SIMC1: variants seen among roughly 807,000 people sequenced by gnomAD.
SIMC1 encodes SUMO interacting motifs containing 1.
Under a neutral mutation model 82.3 loss-of-function variants are expected in SIMC1, and 55 were observed. That is an observed-to-expected ratio of 0.67 (90% CI 0.54 to 0.84). The LOEUF is 0.84. Among genes scored for constraint, SIMC1 ranks in the 40% least tolerant of loss-of-function variants. The probability of loss-of-function intolerance (pLI) is 0.00; values close to 1 mark genes in which losing one functional copy is unlikely to be tolerated. For synonymous variants in SIMC1, 353 were observed against 426.3 expected (o/e 0.83, Z 2.12); for missense variants, 915 against 1,107.2 (o/e 0.83, Z 2.46).
intron 1 of SIMC1, among the ~76,000 whole-genome samples, chr5:176,251,460 A>C (rs996421532): frequency 1.1e-4 from 17 of 152,290 alleles, no homozygotes; most frequent in Admixed American, 1.1e-3. Flanking sequence ...GAGCTCTTGT[A>C]AGGCAGGCCT....
intron 1 of SIMC1, among the ~76,000 whole-genome samples, chr5:176,272,845 G>A (rs1454538423): frequency 6.6e-6 from 1 of 152,214 alleles, no homozygotes; most frequent in African/African-American, 2.4e-5. Flanking sequence ...TGCTAGCACA[G>A]CAGTCTGAGA....
intron 4 of SIMC1, among the ~76,000 whole-genome samples, chr5:176,306,045 C>T (rs1264132032): frequency 1.3e-5 from 1 of 75,452 alleles, no homozygotes; most frequent in Non-Finnish European, 2.9e-5. Flanking sequence ...GGGGGGTCAG[C>T]CCCCCCGCCC....
At chr5:176,309,022 A>G (rs1764545768) in intron 4 of SIMC1, 5 of 784,184 alleles carry the variant, frequency 6.4e-6, no homozygotes, top group Non-Finnish European at 1.2e-5. Flanking sequence ...AAAGCAGGAG[A>G]CAAAATGGAG....
chr5:176,330,479 G>A (rs957044596), intron 7 of SIMC1, among the ~76,000 whole-genome samples: 2 of 151,558 alleles, frequency 1.3e-5, no homozygotes, highest in East Asian at 1.9e-4. Context: ...AGTACAAGAT[G>A]AGCCTGGAAC....
chr5:176,328,651 A>G (rs1015969380), intron 7 of SIMC1, among the ~76,000 whole-genome samples: 6 of 152,192 alleles, frequency 3.9e-5, no homozygotes, highest in Non-Finnish European at 8.8e-5. Context: ...AATGTTTTAC[A>G]TACTCAAAAA....
In SIMC1 at chr5:176,290,098, A is replaced by G; in HGVS notation, c.574A>G (p.Ser192Gly). 3.1e-6 allele frequency: 5 copies of G among 1,606,708 alleles called. No homozygotes were observed. Among genetic ancestry groups the G allele is most frequent in the Non-Finnish European group, 4.3e-6 (5 of 1,176,428 alleles). ...VSSLSPTSNN[S>G]RSSSSSSNQK... ...CTCCCTCTCCCCAACAAGCAATAAT[A>G]GTAGGAGCAGCAGCAGCAGCAGCAA... is the stretch of plus-strand genomic sequence containing the variant. Residue 192 changes from serine to glycine, a missense_variant, in exon 2 of 10, where the codon AGT becomes GGT. Ser to Gly is a moderately conservative substitution (Grantham distance 56). This residue lies in a region of SIMC1 where 902 missense variants were observed against 1,040.3 expected (regional missense o/e 0.87). Coordinates refer to ENST00000429602, the MANE Select transcript of SIMC1 (RefSeq NM_001308195.2).
intron 9 of SIMC1, 68 bp downstream of exon 9, chr5:176,337,214 A>G (rs139464438): frequency 4.0e-6 from 5 of 1,257,504 alleles, no homozygotes; most frequent in South Asian, 2.5e-5. Context: ...AGTCATAACT[A>G]CACAGGATAT....
intron 2 of SIMC1, among the ~76,000 whole-genome samples, chr5:176,293,258 T>A (rs578103810): frequency 1.7e-4 from 26 of 151,890 alleles, no homozygotes; most frequent in African/African-American, 6.0e-4. Flanking sequence ...GGCAACATAG[T>A]GAAACCCCCT....
chr5:176,290,862 C>T lies in SIMC1; in HGVS notation c.1338C>T (p.Asn446=), dbSNP rs1177432441. 3.1e-6 allele frequency: 5 copies of T among 1,613,484 alleles called. No homozygotes were observed. The highest frequency in any genetic ancestry group is 2.2e-5 in the East Asian group (1 of 44,876). The part of the protein sequence containing the change: ...QSRTPQGGLY[N]RPCLHRLKYF... ...GAACACCACAAGGTGGGTTGTACAA[C>T]AGACCATGCCTGCATAGACTGAAGT... Residue 446 remains asparagine, a synonymous_variant, in exon 2 of 10, where the codon AAC becomes AAT. Transcript: ENST00000429602.
At chr5:176,274,611 T>C (rs1363574657) in intron 1 of SIMC1, among the ~76,000 whole-genome samples, 1 of 151,838 alleles carries the variant, frequency 6.6e-6, no homozygotes, top group Non-Finnish European at 1.5e-5. Context: ...AATGCCTAGG[T>C]TTTCTTCTAG....
chr5:176,248,515 G>A (rs1173351888), intron 1 of SIMC1, among the ~76,000 whole-genome samples: 1 of 152,030 alleles, frequency 6.6e-6, no homozygotes, highest in South Asian at 2.1e-4. Flanking sequence ...AGGCTGAGAC[G>A]ATAGTGTTTC....
intron 9 of SIMC1, among the ~76,000 whole-genome samples, chr5:176,343,978 G>T (rs980620616): frequency 6.6e-6 from 1 of 151,856 alleles, no homozygotes; most frequent in Non-Finnish European, 1.5e-5. Context: ...TGTATTTTTA[G>T]TAGAGACAGG....
chr5:176,330,129 G>C (rs2113390194), intron 7 of SIMC1, among the ~76,000 whole-genome samples: 2 of 152,190 alleles, frequency 1.3e-5, no homozygotes, highest in South Asian at 4.2e-4. Context: ...GGCCAGGTGT[G>C]GTGGCTCACG....
chr5:176,246,201 G>A (rs1258817801), intron 1 of SIMC1, among the ~76,000 whole-genome samples: 3 of 150,990 alleles, frequency 2.0e-5, no homozygotes, highest in South Asian at 2.1e-4. Flanking sequence ...TCGTAGAGAC[G>A]GGGTTTCACC....
intron 1 of SIMC1, among the ~76,000 whole-genome samples, chr5:176,256,670 A>C (rs538875272): frequency 6.6e-6 from 1 of 152,258 alleles, no homozygotes; most frequent in South Asian, 2.1e-4. Context: ...TTATGGAAAC[A>C]TTCCACATAT....
At chr5:176,262,358 A>T (rs932773612) in intron 1 of SIMC1, among the ~76,000 whole-genome samples, 1 of 152,116 alleles carries the variant, frequency 6.6e-6, no homozygotes, top group Non-Finnish European at 1.5e-5. Context: ...GAACATCTAC[A>T]AAAAACCTGC....
At position 176,339,694 on chromosome 5, in the gene SIMC1, TAA is replaced by T. The variant is rs1159084246; in HGVS notation, c.2413+2549_2413+2550del. Among the ~76,000 whole-genome samples the T allele has an allele frequency of 2.0e-5, 3 of 152,348 alleles. No individual in the cohort carries two copies. In the East Asian group the frequency reaches 5.8e-4, roughly 29 times the overall value. ...TTACAGAATATTTTTTATGTTTTGA[TAA>T]GAGAGAGAAAGGCCTCAAACCAGTA... is the stretch of plus-strand genomic sequence containing the variant. On this transcript the variant is annotated intron_variant, in intron 9 of 9. Coordinates refer to ENST00000429602, the MANE Select transcript of SIMC1 (RefSeq NM_001308195.2).
chr5:176,328,536 A>T (rs1440492759), intron 7 of SIMC1, among the ~76,000 whole-genome samples: 1 of 152,124 alleles, frequency 6.6e-6, no homozygotes, highest in Non-Finnish European at 1.5e-5. Context: ...GGGGTTCAAC[A>T]TTTTTTGTGT....
At chr5:176,271,972 A>G (rs1267604680) in intron 1 of SIMC1, among the ~76,000 whole-genome samples, 1 of 145,046 alleles carries the variant, frequency 6.9e-6, no homozygotes, top group Non-Finnish European at 1.5e-5. Flanking sequence ...TATAATGTAT[A>G]TATTATATAT....
Sources: allele counts gnomAD v4.1 joint callset (sites outside exome capture counted in the v4.1 genomes callset), GRCh38; gene constraint gnomAD v4.1.1; regional missense constraint gnomAD v4.1.1; transcripts MANE v1.5; gene names NCBI Gene and HGNC (gene_info 2026-07-23, HGNC 2026-07-21).